The following ATRX variants were observed in gnomAD, a reference collection of about 807,000 sequenced individuals.
ATRX encodes the protein ATRX chromatin remodeler.
ATRX carries 12 observed loss-of-function variants against 172.6 expected under a neutral mutation model. That is an observed-to-expected ratio of 0.07 (90% CI 0.04 to 0.11). ATRX has a LOEUF of 0.11. Ranked by LOEUF, ATRX falls within the 10% of genes least tolerant of loss-of-function variation. The probability of loss-of-function intolerance (pLI) is 1.00; values close to 1 mark genes in which losing one functional copy is unlikely to be tolerated. For synonymous variants in ATRX, 674 were observed against 594.7 expected, an observed-to-expected ratio of 1.13 and a Z score of -1.94; for missense variants, 1,368 against 1,767.4, an observed-to-expected ratio of 0.77 and a Z score of 4.05.
chrX:77,614,085 G>A (rs2148228792), intron 22 of ATRX, among the ~76,000 whole-genome samples: 1 of 112,041 alleles, frequency 8.9e-6, no homozygotes, highest in African/African-American at 3.2e-5. Flanking sequence ...AAATTAATAT[G>A]AAACTGCTGC....
Position 77,582,868 on chromosome X carries a change from G to C in ATRX, c.6217+6966C>G, listed in dbSNP as rs979632425. 2.7e-5 allele frequency among the ~76,000 whole-genome samples: 3 copies of C among 111,377 alleles called. No homozygotes were observed. In the Admixed American group the frequency reaches 2.9e-4, roughly 11 times the overall value. On this transcript the variant is annotated intron_variant, in intron 27 of 34. Coordinates refer to ENST00000373344, the MANE Select transcript of ATRX (RefSeq NM_000489.6). ...GCCATAATAAAAAGTCACCCAGCAAGGAAAATCCCAGGACCCAATAGCTTC... is the reference window on the plus strand; with the variant it reads ...GCCATAATAAAAAGTCACCCAGCAACGAAAATCCCAGGACCCAATAGCTTC...
Position 77,682,733 on chromosome X carries a change from A to C in ATRX, c.2523T>G (p.Ile841Met). Reference protein sequence around the residue: ...IGAARTTKKRIPNTKDFDSSE... With the variant: ...IGAARTTKKRMPNTKDFDSSE... ...AAGAGTCAAAATCTTTTGTATTTGG[A>C]ATTCTTTTTTTGGTGGTTCTGGCAG... The change falls in exon 9 of 35, where the codon ATT (isoleucine) becomes ATG (methionine). Residue 841 changes from isoleucine to methionine, a missense_variant. Coordinates refer to ENST00000373344, the MANE Select transcript of ATRX (RefSeq NM_000489.6). 8.3e-7 allele frequency: 1 copy of C among 1,209,051 alleles called. No individual in the cohort carries two copies. Among genetic ancestry groups the C allele is most frequent in the Non-Finnish European group, 1.1e-6 (1 of 894,841 alleles).
chrX:77,752,307 GA>G (rs781879963), intron 1 of ATRX, among the ~76,000 whole-genome samples: 6 of 111,647 alleles, frequency 5.4e-5, no homozygotes, highest in African/African-American at 9.8e-5. Flanking sequence ...GAATGCTTAT[GA>G]TTTTTGCACA....
At chrX:77,698,539 G>C in intron 3 of ATRX, 35 bp downstream of exon 3, 1 of 1,163,581 alleles carries the variant, frequency 8.6e-7, no homozygotes. Flanking sequence ...TTGGTTAATC[G>C]TAACTAACAA....
chrX:77,761,356 G>T (rs183543250), intron 1 of ATRX, among the ~76,000 whole-genome samples: 130 of 110,080 alleles, frequency 1.2e-3, no homozygotes, highest in African/African-American at 4.2e-3. Context: ...TGGGCAACAC[G>T]GCAAAACCCA....
At chrX:77,735,710 G>C (rs1239725029) in intron 1 of ATRX, among the ~76,000 whole-genome samples, 12 of 97,853 alleles carry the variant, frequency 1.2e-4, no homozygotes, top group Non-Finnish European at 1.8e-4. Flanking sequence ...GCTGAGGCTG[G>C]AGAATGGCGT....
chrX:77,600,808 AT>A, intron 22 of ATRX: 1 of 280,449 alleles, frequency 3.6e-6, no homozygotes, highest in East Asian at 7.0e-5. Flanking sequence ...TTTAAAATTA[AT>A]GCATTAAGTA....
intron 25 of ATRX, chrX:77,595,988 T>C (rs1194222056): frequency 9.0e-6 from 1 of 111,590 alleles, no homozygotes; most frequent in African/African-American, 3.3e-5. Context: ...TTCGTGATCA[T>C]GAACTCTCCT....
chrX:77,633,596 T>C lies in ATRX; in HGVS notation c.4926A>G (p.Gln1642=), dbSNP rs1602981571. The C allele has an allele frequency of 8.3e-7, 1 of 1,210,342 alleles. No individual in the cohort carries two copies. Residue 1642 remains glutamine, a synonymous_variant, in exon 18 of 35, where the codon CAA becomes CAG. Coordinates refer to ENST00000373344, the MANE Select transcript of ATRX (RefSeq NM_000489.6). The stretch of plus-strand genomic sequence containing the variant: ...GCTTCTCATCATCTTTTAATCCCTC[T>C]TGCCACTTCTCAAATTCATTCATCC... ...LNWMNEFEKW[Q]EGLKDDEKLE... is the part of the protein sequence containing the mutation.
rs782794214 is a variant in ATRX, at chrX:77,652,279, TTCCTCCTCCTCTTCCTCC to T, written c.4374_4391del (p.Glu1459_Glu1464del). On this transcript the variant is annotated inframe_deletion, in exon 15 of 35. Transcript: ENST00000373344. ...GAGACTTGGAATCATCATTTTCATC[TTCCTCCTCCTCTTCCTCC>T]TCCTCCTCCTCTTCCTCCTCCTCTT... 14 of 1,209,335 alleles carry T rather than the reference TTCCTCCTCCTCTTCCTCC, an allele frequency of 1.2e-5. No homozygotes were observed. The highest frequency in any genetic ancestry group is 1.8e-5 in the South Asian group (1 of 56,907).
At chrX:77,570,739 T>C (rs1269085920) in intron 28 of ATRX, among the ~76,000 whole-genome samples, 1 of 111,356 alleles carries the variant, frequency 9.0e-6, no homozygotes, top group African/African-American at 3.3e-5. Flanking sequence ...CTTTGTTCTC[T>C]GAAAGACCCT....
chrX:77,615,818 C>CT (rs1421922081), intron 22 of ATRX: 2,219 of 277,299 alleles, frequency 8.0e-3, no homozygotes, highest in Non-Finnish European at 9.4e-3. Flanking sequence ...TTCCATCCTC[C>CT]TTTTTTTTTT....
At chrX:77,520,533 T>C (rs2063195864) in intron 34 of ATRX, among the ~76,000 whole-genome samples, 1 of 111,826 alleles carries the variant, frequency 8.9e-6, no homozygotes, top group Admixed American at 9.5e-5. Flanking sequence ...CCAGAATATA[T>C]GAGAAATAAA....
chrX:77,677,975 G>A (rs1274393244), intron 9 of ATRX, among the ~76,000 whole-genome samples: 1 of 111,194 alleles, frequency 9.0e-6, no homozygotes. Flanking sequence ...GAGAGGCTGA[G>A]GCAGGCGGAT....
At chrX:77,544,541 A>G (rs782014953) in intron 30 of ATRX, among the ~76,000 whole-genome samples, 2 of 107,375 alleles carry the variant, frequency 1.9e-5, no homozygotes, top group East Asian at 3.0e-4. Context: ...AGCATTAGGT[A>G]TATCTCCCAA....
At chrX:77,713,435 A>T (rs782799240) in intron 2 of ATRX, among the ~76,000 whole-genome samples, 70 of 111,561 alleles carry the variant, frequency 6.3e-4, no homozygotes, top group African/African-American at 2.0e-3. Flanking sequence ...CTTGCAAAAA[A>T]TAACTGATTG....
intron 1 of ATRX, among the ~76,000 whole-genome samples, chrX:77,765,555 G>A (rs1218537508): frequency 9.9e-5 from 11 of 111,633 alleles, no homozygotes; most frequent in Non-Finnish European, 2.1e-4. Flanking sequence ...TTAAAAACAC[G>A]GTACTGTACC....
chrX:77,527,650 C>A (rs2063427113), intron 30 of ATRX, among the ~76,000 whole-genome samples: 1 of 111,518 alleles, frequency 9.0e-6, no homozygotes, highest in Admixed American at 9.5e-5. Context: ...CATCCATATA[C>A]ATCCCTAGGA....
intron 30 of ATRX, among the ~76,000 whole-genome samples, chrX:77,526,076 G>T (rs1329254633): frequency 5.4e-5 from 6 of 111,170 alleles, no homozygotes; most frequent in African/African-American, 2.0e-4. Flanking sequence ...AGAAATTGAG[G>T]CCCAAAGAGG....
Sources: gnomAD v4.1 joint callset for allele counts (sites outside exome capture counted in the v4.1 genomes callset) on GRCh38, gnomAD v4.1.1 for gene constraint, MANE v1.5 for transcripts, NCBI Gene and HGNC (gene_info 2026-07-23, HGNC 2026-07-21) for gene names.